Variants in CATSPERD observed in about 807,000 individuals in gnomAD.
CATSPERD encodes catsper channel auxiliary subunit delta, also known as cation channel sperm-associated auxiliary subunit delta.
A neutral mutation model predicts 98.1 loss-of-function variants in CATSPERD; 86 were observed. The observed-to-expected ratio is 0.88, with a 90% CI of 0.74 to 1.05. The LOEUF (loss-of-function observed/expected upper bound fraction) is 1.05. Among genes scored for constraint, CATSPERD ranks in the 50% least tolerant of loss-of-function variants. The pLI is 0.00. For missense variants in CATSPERD, 995 were observed against 1,005.7 expected (o/e 0.99, Z 0.14); for synonymous variants, 394 against 390.2 (o/e 1.01, Z -0.12).
Position 5,758,599 on chromosome 19 carries a change from C to T in CATSPERD, c.1369-487C>T, listed in dbSNP as rs1454258530. Among the ~76,000 whole-genome samples, 4 of 147,506 alleles carry T rather than the reference C, an allele frequency of 2.7e-5. No homozygotes were observed. In the South Asian group the frequency reaches 6.4e-4, roughly 24 times the overall value. ...AAAAAAAAAAAAAAAAAAAATTAGC[C>T]GGGTGTGGTGGCGGGCACCTGTAGT... is the stretch of plus-strand genomic sequence containing the variant. On this transcript the variant is annotated intron_variant, in intron 14 of 21. Coordinates refer to ENST00000381624, the MANE Select transcript of CATSPERD (RefSeq NM_152784.4).
intron 21 of CATSPERD, among the ~76,000 whole-genome samples, chr19:5,777,340 C>T (rs1296746402): frequency 1.3e-5 from 2 of 152,146 alleles, no homozygotes; most frequent in Non-Finnish European, 2.9e-5. Context: ...TGGGACTCTC[C>T]CGTGCCACAG....
intron 20 of CATSPERD, among the ~76,000 whole-genome samples, chr19:5,775,544 G>A (rs1422572517): frequency 1.3e-5 from 2 of 150,388 alleles, no homozygotes; most frequent in Admixed American, 6.6e-5. Context: ...AGCTACTCGG[G>A]AGGCTGAGGC....
intron 16 of CATSPERD, among the ~76,000 whole-genome samples, chr19:5,763,847 C>CGTTTTTTTTTTTTTTTTTTTTTTTTTTT (rs2056488011): frequency 1.6e-5 from 1 of 62,120 alleles, no homozygotes; most frequent in Admixed American, 2.6e-4. Context: ...TCTTGAACTC[C>CGTTTTTTTTTTTTTTTTTTTTTTTTTTT]TTTTTTTTTT....
intron 19 of CATSPERD, 87 bp downstream of exon 19, chr19:5,771,159 G>T: frequency 7.0e-7 from 1 of 1,424,878 alleles, no homozygotes; most frequent in Non-Finnish European, 9.5e-7. Flanking sequence ...GGCCCTCCAG[G>T]CTCCCCTAGA....
Position 5,778,560 on chromosome 19 carries a change from C to T in CATSPERD, c.2281C>T (p.Gln761Ter), listed in dbSNP as rs761964050. The T allele has an allele frequency of 1.2e-6, 2 of 1,613,816 alleles. No individual in the cohort carries two copies. Among genetic ancestry groups the T allele is most frequent in the East Asian group, 4.5e-5 (2 of 44,876 alleles). Reference sequence around the variant, plus strand: ...CCGCAGGATCAAGAAGTGTGCGACACAGCTGTGTAGGAGATGCAAGACGGT... The same window carrying T: ...CCGCAGGATCAAGAAGTGTGCGACATAGCTGTGTAGGAGATGCAAGACGGT... ...RGRRIKKCATQLCRRCKTVCQ... is the reference protein window; with the variant it reads ...RGRRIKKCAT The change falls in exon 22 of 22, where the codon CAG becomes TAG. Residue 761 changes from glutamine (Q) to a stop codon, truncating the protein, a stop_gained. Coordinates refer to ENST00000381624, the MANE Select transcript of CATSPERD (RefSeq NM_152784.4). LOFTEE classifies it low-confidence loss of function (END_TRUNC).
chr19:5,770,876 C>T, intron 18 of CATSPERD, 68 bp from the exon 19 acceptor site: 5 of 1,527,848 alleles, frequency 3.3e-6, no homozygotes, highest in Non-Finnish European at 4.4e-6. Flanking sequence ...GAAACTGCGG[C>T]TGTGAAGGGT....
At chr19:5,742,169 T>TGTGTGAACGTGTGTGTGC (rs1486682277) in intron 7 of CATSPERD, among the ~76,000 whole-genome samples, 25 of 107,500 alleles carry the variant, frequency 2.3e-4, no homozygotes, top group Non-Finnish European at 4.8e-4. Flanking sequence ...TGTGTGTGCG[T>TGTGTGAACGTGTGTGTGC]GTGTGTATGT....
At chr19:5,755,124 G>A (rs182554710) in intron 13 of CATSPERD, among the ~76,000 whole-genome samples, 2 of 151,892 alleles carry the variant, frequency 1.3e-5, no homozygotes, top group African/African-American at 2.4e-5. Flanking sequence ...GATTACAGGC[G>A]TGAGCCACCA....
chr19:5,742,768 G>A (rs756421076), intron 7 of CATSPERD, among the ~76,000 whole-genome samples: 2 of 152,098 alleles, frequency 1.3e-5, no homozygotes, highest in Admixed American at 6.6e-5. Flanking sequence ...TAGCCTGGGG[G>A]ACGGAGAGAT....
chr19:5,756,612 C>CAAAT (rs2056328252), intron 13 of CATSPERD, among the ~76,000 whole-genome samples: 1 of 152,044 alleles, frequency 6.6e-6, no homozygotes, highest in South Asian at 2.1e-4. Flanking sequence ...TTAAAGTAGG[C>CAAAT]TGGGCTAACT....
In CATSPERD at chr19:5,734,270, C is replaced by T. The variant is rs75155333; in HGVS notation, c.391+300C>T. 2.6e-4 allele frequency among the ~76,000 whole-genome samples: 40 copies of T among 152,168 alleles called. 1 individual carries two copies. The East Asian group carries it at 6.6e-3, about 25-fold the overall frequency. On this transcript the variant is annotated intron_variant, in intron 5 of 21. Coordinates refer to ENST00000381624, the MANE Select transcript of CATSPERD (RefSeq NM_152784.4). ...GTGATCCCAGCAATTTGGGAGTCTG[C>T]GGTAGGCAGATCATCTGAGGTCAGG...
chr19:5,750,972 T>C (rs926313891), intron 11 of CATSPERD, among the ~76,000 whole-genome samples: 2 of 151,526 alleles, frequency 1.3e-5, no homozygotes, highest in African/African-American at 4.8e-5. Flanking sequence ...CCCAGCACTT[T>C]TGGGAGGCCG....
chr19:5,739,321 T>A lies in CATSPERD; in HGVS notation c.460-5T>A, dbSNP rs752093724. On this transcript the variant is annotated splice_region_variant and splice_polypyrimidine_tract_variant and intron_variant, in intron 6 of 21. Transcript: ENST00000381624. ...TCATTCTTTCTTTCTTTTTTTTTTT[T>A]ATAGCATGTCAGTAATTTGGTTTTT... The A allele has an allele frequency of 2.2e-5, 31 of 1,398,028 alleles. No individual in the cohort carries two copies. Among genetic ancestry groups the A allele is most frequent in the East Asian group, 1.8e-4 (8 of 43,828 alleles). 86.6% of individuals were successfully genotyped at this position (1,398,028 alleles called of 1,614,324 possible). A position where few individuals can be genotyped will look rare whatever the true frequency, so the allele number is the denominator to read the frequency against.
intron 19 of CATSPERD, 99 bp from the exon 20 acceptor site, chr19:5,772,689 C>T: frequency 1.6e-6 from 2 of 1,238,692 alleles, no homozygotes; most frequent in Admixed American, 2.2e-5. Context: ...TCACCTCCCA[C>T]CCCCCAAGCG....
chr19:5,728,839 C>CA (rs1466576256), intron 3 of CATSPERD, among the ~76,000 whole-genome samples: 1 of 151,866 alleles, frequency 6.6e-6, no homozygotes, highest in Non-Finnish European at 1.5e-5. Flanking sequence ...GCTGGGACTA[C>CA]AGGTGTGCAC....
intron 21 of CATSPERD, among the ~76,000 whole-genome samples, chr19:5,776,963 C>G (rs946693238): frequency 5.9e-5 from 9 of 152,038 alleles, no homozygotes; most frequent in African/African-American, 1.9e-4. Flanking sequence ...AATATTTACA[C>G]TACGGGAATT....
rs979132295 is a variant in CATSPERD, at chr19:5,757,791, C to T, written c.1279-52C>T. On this transcript the variant is annotated intron_variant, in intron 13 of 21. Transcript: ENST00000381624. ...GGGCTCACTGTGGGGGTTTGTCACC[C>T]CGTCCTGCCTGCTGGCTCCGTACAG... is the stretch of plus-strand genomic sequence containing the variant. The T allele has an allele frequency of 3.8e-5, 55 of 1,449,100 alleles. 2 individuals are homozygous for T. The Admixed American group carries it at 9.5e-4, about 25-fold the overall frequency. The allele number at this position is 1,449,100 out of a possible 1,614,324, so 89.8% of individuals were successfully genotyped here.
At position 5,754,192 on chromosome 19, in the gene CATSPERD, C is replaced by A. The variant is rs1300212037; in HGVS notation, c.1225C>A (p.Leu409Met). The change falls in exon 13 of 22, where the codon CTG becomes ATG. Residue 409 changes from leucine to methionine, a missense_variant. By Grantham distance (15) the Leu-to-Met change is conservative (BLOSUM62 2). Around this residue, in one of 3 missense-constraint regions of CATSPERD, gnomAD observed 762 missense variants for 773.7 expected, o/e 0.98. Coordinates refer to ENST00000381624, the MANE Select transcript of CATSPERD (RefSeq NM_152784.4). Reference sequence around the variant, plus strand: ...GTATACCATTGACATGCACAGCCAGCTGGAATTGACTGCTTCGTTGATACC... The same window carrying A: ...GTATACCATTGACATGCACAGCCAGATGGAATTGACTGCTTCGTTGATACC... ...RMYTIDMHSQ[L>M]ELTASLIPQP... 33 of 1,613,856 alleles carry A rather than the reference C, an allele frequency of 2.0e-5. No individual in the cohort carries two copies. Among genetic ancestry groups the A allele is most frequent in the Non-Finnish European group, 2.8e-5 (33 of 1,179,940 alleles).
chr19:5,733,017 T>TC (rs771352825), intron 4 of CATSPERD, among the ~76,000 whole-genome samples: 4 of 151,514 alleles, frequency 2.6e-5, no homozygotes, highest in Non-Finnish European at 5.9e-5. Context: ...CTTTTTTTTT[T>TC]CAAGACGGAG....
Sources: allele counts gnomAD v4.1 joint callset (sites outside exome capture counted in the v4.1 genomes callset), GRCh38; gene constraint gnomAD v4.1.1; regional missense constraint gnomAD v4.1.1; transcripts MANE v1.5; gene names NCBI Gene and HGNC (gene_info 2026-07-23, HGNC 2026-07-21).